The following ACMSD variants were observed in gnomAD, a reference collection of about 807,000 sequenced individuals.
ACMSD encodes the protein 2-amino-3-carboxymuconate-6-semialdehyde decarboxylase.
A neutral mutation model predicts 45.9 loss-of-function variants in ACMSD; 37 were observed. That is an observed-to-expected ratio of 0.81 (90% confidence interval 0.62 to 1.06). The LOEUF (loss-of-function observed/expected upper bound fraction) is 1.06, where lower values mean the gene tolerates loss of function less well. Among genes scored for constraint, ACMSD ranks in the 50% least tolerant of loss-of-function variants. The pLI is 0.00. For synonymous variants in ACMSD, 138 were observed against 148.8 expected, an observed-to-expected ratio of 0.93 and a Z score of 0.53; for missense variants, 434 against 420.9, an observed-to-expected ratio of 1.03 and a Z score of -0.27.
intron 2 of ACMSD, among the ~76,000 whole-genome samples, chr2:134,847,397 C>T (rs1992764): frequency 0.14 from 11,411 of 81,424 alleles, 596 homozygotes; most frequent in East Asian, 0.39. Context: ...TTTGGGGATA[C>T]AGATAGATAG....
Position 134,853,047 on chromosome 2 carries a change from C to T in ACMSD, c.103-6214C>T, listed in dbSNP as rs143239431. ...GTGTGGTGGCACGCGCCTGTAATCC[C>T]AGCAACTCAGGAGGCCGAGGTGGGA... On this transcript the variant is annotated intron_variant, in intron 2 of 9. Coordinates refer to ENST00000356140, the MANE Select transcript of ACMSD (RefSeq NM_138326.3). Among the ~76,000 whole-genome samples, 408 of 151,696 alleles carry T rather than the reference C, an allele frequency of 2.7e-3. 1 individual carries two copies. The highest frequency in any genetic ancestry group is 9.2e-3 in the African/African-American group (382 of 41,338).
At chr2:134,891,986 C>G (rs2104949843) in intron 8 of ACMSD, among the ~76,000 whole-genome samples, 2 of 152,168 alleles carry the variant, frequency 1.3e-5, no homozygotes, top group South Asian at 4.2e-4. Flanking sequence ...AACAGAAAGT[C>G]AAATACCACA....
At chr2:134,873,395 A>T (rs892557828) in intron 8 of ACMSD, 1 of 152,256 alleles carries the variant, frequency 6.6e-6, no homozygotes, top group East Asian at 1.9e-4. Context: ...CATAGTGAAA[A>T]GTCTAAAATA....
intron 9 of ACMSD, among the ~76,000 whole-genome samples, chr2:134,899,208 G>T (rs1293126272): frequency 6.6e-6 from 1 of 152,106 alleles, no homozygotes; most frequent in Non-Finnish European, 1.5e-5. Flanking sequence ...GAATCCAAAA[G>T]TTACCTTGAA....
At chr2:134,859,213 C>A (rs1182855897) in intron 2 of ACMSD, 48 bp from the exon 3 acceptor site, 8 of 1,478,232 alleles carry the variant, frequency 5.4e-6, no homozygotes, top group Non-Finnish European at 7.6e-6. Context: ...AAAGATTAGT[C>A]CAAGTGGTCT....
At chr2:134,848,097 C>T (rs1232348534) in intron 2 of ACMSD, among the ~76,000 whole-genome samples, 2 of 152,200 alleles carry the variant, frequency 1.3e-5, no homozygotes, top group African/African-American at 4.8e-5. Context: ...GTGATCTGCT[C>T]GCCTTGGCCT....
chr2:134,852,757 T>C (rs1687401396), intron 2 of ACMSD, among the ~76,000 whole-genome samples: 1 of 152,136 alleles, frequency 6.6e-6, no homozygotes, highest in Non-Finnish European at 1.5e-5. Flanking sequence ...CTGCCAACTC[T>C]GCACCTCGAG....
At chr2:134,896,219 A>G (rs1690139315) in intron 8 of ACMSD, among the ~76,000 whole-genome samples, 1 of 152,248 alleles carries the variant, frequency 6.6e-6, no homozygotes, top group African/African-American at 2.4e-5. Flanking sequence ...CCATAGGTGT[A>G]AATCTTTGTG....
At chr2:134,883,056 T>A (rs961914621) in intron 8 of ACMSD, among the ~76,000 whole-genome samples, 2 of 152,216 alleles carry the variant, frequency 1.3e-5, no homozygotes, top group Non-Finnish European at 2.9e-5. Context: ...CCAGCACCTG[T>A]CCAGAAGGTA....
At chr2:134,846,668 A>C (rs929005926) in intron 2 of ACMSD, among the ~76,000 whole-genome samples, 4 of 152,074 alleles carry the variant, frequency 2.6e-5, no homozygotes, top group Admixed American at 2.6e-4. Context: ...CAGCCTCCCA[A>C]AGTAGCACAT....
intron 2 of ACMSD, among the ~76,000 whole-genome samples, chr2:134,857,051 CTTCTT>C (rs1468172671): frequency 6.6e-6 from 1 of 152,118 alleles, no homozygotes. Context: ...TCGTCTGTGT[CTTCTT>C]TAATTTTTTC....
intron 8 of ACMSD, among the ~76,000 whole-genome samples, chr2:134,892,366 G>A (rs1212885986): frequency 1.3e-5 from 2 of 152,022 alleles, no homozygotes; most frequent in Non-Finnish European, 2.9e-5. Context: ...ACAAAGTTGT[G>A]AAAAGCTCCA....
At chr2:134,845,573 C>T (rs1160631978) in intron 2 of ACMSD, among the ~76,000 whole-genome samples, 1 of 148,254 alleles carries the variant, frequency 6.7e-6, no homozygotes, top group East Asian at 2.0e-4. Context: ...CCCACCCCCA[C>T]CAACCAGTTT....
intron 2 of ACMSD, among the ~76,000 whole-genome samples, chr2:134,849,709 C>T (rs1436188810): frequency 6.6e-6 from 1 of 152,172 alleles, no homozygotes; most frequent in Non-Finnish European, 1.5e-5. Flanking sequence ...ATGGCAAAGC[C>T]TTGCTCAGAA....
chr2:134,879,557 T>A (rs975132313), intron 8 of ACMSD, among the ~76,000 whole-genome samples: 7 of 152,184 alleles, frequency 4.6e-5, no homozygotes, highest in Admixed American at 4.6e-4. Context: ...ATATTTACTA[T>A]CTCATTCATT....
chr2:134,892,766 G>T (rs544524628), intron 8 of ACMSD, among the ~76,000 whole-genome samples: 49 of 152,284 alleles, frequency 3.2e-4, no homozygotes, highest in African/African-American at 1.1e-3. Context: ...GGATCAAGGT[G>T]GGGGAGAGGC....
At chr2:134,886,550 A>G (rs1029845931) in intron 8 of ACMSD, among the ~76,000 whole-genome samples, 3 of 152,082 alleles carry the variant, frequency 2.0e-5, no homozygotes, top group African/African-American at 7.2e-5. Flanking sequence ...CGCCCGGCCC[A>G]TGATTTTTAA....
At chr2:134,862,124 C>T in intron 4 of ACMSD, 106 bp downstream of exon 4, 1 of 1,179,078 alleles carries the variant, frequency 8.5e-7, no homozygotes. Context: ...ACTAACTGCC[C>T]CCAACAACTG....
intron 9 of ACMSD, among the ~76,000 whole-genome samples, chr2:134,899,703 G>C (rs1690388150): frequency 6.6e-6 from 1 of 152,016 alleles, no homozygotes; most frequent in Non-Finnish European, 1.5e-5. Flanking sequence ...ATGATATTCT[G>C]TACAAGGGTA....
Sources: allele counts gnomAD v4.1 joint callset (sites outside exome capture counted in the v4.1 genomes callset), GRCh38; gene constraint gnomAD v4.1.1; transcripts MANE v1.5; gene names NCBI Gene and HGNC (gene_info 2026-07-23, HGNC 2026-07-21).